PPP1R14C: variants seen among roughly 807,000 people sequenced by gnomAD.
PPP1R14C encodes the protein protein phosphatase 1 regulatory subunit 14C.
In PPP1R14C, 16 loss-of-function variants were observed where a neutral mutation model predicts 20.4. The observed-to-expected ratio is 0.78, with a 90% CI of 0.53 to 1.19. The LOEUF is 1.19. Among genes scored for constraint, PPP1R14C ranks in the 50% most tolerant of loss-of-function variants. The pLI is 0.00. For synonymous variants in PPP1R14C, 91 were observed against 91.0 expected (o/e 1.00, Z 0.00); for missense variants, 211 against 220.1 (o/e 0.96, Z 0.26).
intron 3 of PPP1R14C, among the ~76,000 whole-genome samples, chr6:150,224,958 C>T (rs1391280380): frequency 6.6e-6 from 1 of 151,722 alleles, no homozygotes; most frequent in African/African-American, 2.4e-5. Flanking sequence ...GAGCCTGTGT[C>T]CTTGAACTGT....
rs1438249939 is a variant in PPP1R14C at position 150,225,963 on chromosome 6, A to C, written c.423+9107A>C. On this transcript the variant is annotated intron_variant, in intron 3 of 3. Transcript: ENST00000361131. ...AGAGTTGACTTTAAAGAATCTTCTA[A>C]TTTCCCAGAAGTGATATTGTTTTTG... is the stretch of plus-strand genomic sequence containing the variant. 2.0e-5 allele frequency among the ~76,000 whole-genome samples: 3 copies of C among 152,302 alleles called. No individual in the cohort carries two copies. The East Asian group carries it at 5.8e-4, about 29-fold the overall frequency.
At chr6:150,177,398 A>G (rs1777574547) in intron 1 of PPP1R14C, among the ~76,000 whole-genome samples, 2 of 152,218 alleles carry the variant, frequency 1.3e-5, no homozygotes, top group Non-Finnish European at 1.5e-5. Context: ...ATCTTGGTAG[A>G]TAAGAAGTGA....
chr6:150,227,323 G>A (rs191187882), intron 3 of PPP1R14C, among the ~76,000 whole-genome samples: 1 of 152,292 alleles, frequency 6.6e-6, no homozygotes, highest in African/African-American at 2.4e-5. Flanking sequence ...ACCTGGCAGG[G>A]AACTTCTACA....
At chr6:150,144,065 C>T (rs921841131) in intron 1 of PPP1R14C, among the ~76,000 whole-genome samples, 2 of 152,360 alleles carry the variant, frequency 1.3e-5, no homozygotes, top group African/African-American at 4.8e-5. Context: ...CCAGCCAGCC[C>T]CGACGGTGTC....
At chr6:150,192,179 C>T (rs9479890) in intron 1 of PPP1R14C, among the ~76,000 whole-genome samples, 236 of 152,232 alleles carry the variant, frequency 1.6e-3, no homozygotes, top group Non-Finnish European at 2.8e-3. Flanking sequence ...TTGGATGCCG[C>T]CTGGGCTGCC....
At chr6:150,148,202 G>A (rs1052275346) in intron 1 of PPP1R14C, among the ~76,000 whole-genome samples, 1 of 152,182 alleles carries the variant, frequency 6.6e-6, no homozygotes, top group Admixed American at 6.5e-5. Context: ...GACACTGGCC[G>A]AGTACTTAGC....
chr6:150,172,858 GTT>G lies in PPP1R14C; in HGVS notation c.306+29361_306+29362del, dbSNP rs373903487. ...AGAGGCCTCACATGGCTGGATGTAG[GTT>G]ACAAGGTCGCTCTCACAGTCAAGGT... On this transcript the variant is annotated intron_variant, in intron 1 of 3. Transcript: ENST00000361131. 1.4e-3 allele frequency among the ~76,000 whole-genome samples: 207 copies of G among 152,160 alleles called. 1 individual carries two copies. The highest frequency in any genetic ancestry group is 4.7e-3 in the African/African-American group (196 of 41,486).
chr6:150,237,149 G>A (rs1008099571), intron 3 of PPP1R14C, among the ~76,000 whole-genome samples: 1 of 151,692 alleles, frequency 6.6e-6, no homozygotes, highest in Non-Finnish European at 1.5e-5. Context: ...ATGGGCGGGG[G>A]TGGGGCAGGG....
chr6:150,229,138 CAT>C (rs771308187), intron 3 of PPP1R14C, among the ~76,000 whole-genome samples: 11 of 152,144 alleles, frequency 7.2e-5, no homozygotes, highest in Non-Finnish European at 1.3e-4. Flanking sequence ...CAATGTGACA[CAT>C]GACTTTAATT....
intron 1 of PPP1R14C, among the ~76,000 whole-genome samples, chr6:150,206,893 C>T (rs1406444021): frequency 6.7e-6 from 1 of 149,644 alleles, no homozygotes; most frequent in African/African-American, 2.5e-5. Context: ...GCGACAGAGT[C>T]TCGCTCTGTT....
At chr6:150,179,558 C>T (rs1045262700) in intron 1 of PPP1R14C, among the ~76,000 whole-genome samples, 8 of 151,784 alleles carry the variant, frequency 5.3e-5, no homozygotes, top group African/African-American at 1.2e-4. Context: ...TAAATGGAAA[C>T]GAACTCTGCA....
chr6:150,167,937 G>C (rs1332202035), intron 1 of PPP1R14C, among the ~76,000 whole-genome samples: 22 of 2,216 alleles, frequency 9.9e-3, no homozygotes, highest in South Asian at 0.074. Flanking sequence ...TTCTCTCCAT[G>C]TCTCCGTTCT....
intron 1 of PPP1R14C, among the ~76,000 whole-genome samples, chr6:150,164,188 T>C (rs1038975670): frequency 2.6e-5 from 4 of 152,230 alleles, no homozygotes; most frequent in African/African-American, 9.6e-5. Flanking sequence ...GTGAAGTGCT[T>C]GTTCAATTCT....
chr6:150,182,451 T>C (rs1246791515), intron 1 of PPP1R14C, among the ~76,000 whole-genome samples: 1 of 152,232 alleles, frequency 6.6e-6, no homozygotes, highest in Non-Finnish European at 1.5e-5. Flanking sequence ...CATCTTGCTG[T>C]ATCCTCACAT....
chr6:150,204,240 C>T (rs73007969), intron 1 of PPP1R14C, among the ~76,000 whole-genome samples: 16,744 of 152,238 alleles, frequency 0.11, 1,000 homozygotes, highest in Non-Finnish European at 0.13. Flanking sequence ...TATTTTCACT[C>T]GTCTTACGAG....
intron 3 of PPP1R14C, among the ~76,000 whole-genome samples, chr6:150,239,185 C>T (rs984989455): frequency 6.6e-6 from 1 of 152,194 alleles, no homozygotes; most frequent in Non-Finnish European, 1.5e-5. Flanking sequence ...CACTCGTGTT[C>T]ATCCTTTCTT....
At chr6:150,237,141 G>C (rs1778371047) in intron 3 of PPP1R14C, among the ~76,000 whole-genome samples, 1 of 152,032 alleles carries the variant, frequency 6.6e-6, no homozygotes, top group East Asian at 1.9e-4. Context: ...TGGCGAAAAT[G>C]GGCGGGGGTG....
At chr6:150,247,699 T>G (rs1778510912) in intron 3 of PPP1R14C, among the ~76,000 whole-genome samples, 1 of 151,762 alleles carries the variant, frequency 6.6e-6, no homozygotes, top group African/African-American at 2.4e-5. Flanking sequence ...TAGTTTGCTG[T>G]CAAAAAACTT....
chr6:150,164,988 C>T (rs1012786762), intron 1 of PPP1R14C, among the ~76,000 whole-genome samples: 1 of 152,192 alleles, frequency 6.6e-6, no homozygotes, highest in African/African-American at 2.4e-5. Context: ...ATCTGCAAAC[C>T]AGGAAGCTGG....
Sources: allele counts gnomAD v4.1 joint callset (sites outside exome capture counted in the v4.1 genomes callset), GRCh38; gene constraint gnomAD v4.1.1; transcripts MANE v1.5; gene names NCBI Gene and HGNC (gene_info 2026-07-23, HGNC 2026-07-21).